The following NUP155 variants were observed in gnomAD, a reference collection of about 807,000 sequenced individuals.
The protein encoded by NUP155 is nucleoporin 155.
A neutral mutation model predicts 180.4 loss-of-function variants in NUP155; 71 were observed. The observed-to-expected ratio is 0.39, with a 90% CI of 0.33 to 0.48. The LOEUF (loss-of-function observed/expected upper bound fraction) is 0.48. NUP155 is among the 20% of genes least tolerant of loss of function. The probability of loss-of-function intolerance (pLI) is 0.91; values close to 1 mark genes in which losing one functional copy is unlikely to be tolerated. For missense variants in NUP155, 1,553 were observed against 1,648.9 expected, an observed-to-expected ratio of 0.94 and a Z score of 1.01; for synonymous variants, 582 against 559.5, an observed-to-expected ratio of 1.04 and a Z score of -0.57.
At chr5:37,365,243 G>A (rs1038228282) in intron 1 of NUP155, among the ~76,000 whole-genome samples, 4 of 149,046 alleles carry the variant, frequency 2.7e-5, no homozygotes, top group Admixed American at 6.9e-5. Context: ...TGAGCGACAG[G>A]GCAAGACTCT....
chr5:37,298,814 G>C, intron 32 of NUP155, 54 bp downstream of exon 32: 2 of 925,880 alleles, frequency 2.2e-6, no homozygotes, highest in Admixed American at 1.7e-5. Context: ...CCATATCAAC[G>C]GAGAAAACCA....
intron 10 of NUP155, among the ~76,000 whole-genome samples, chr5:37,341,947 T>C (rs1745751124): frequency 6.6e-6 from 1 of 152,220 alleles, no homozygotes; most frequent in Non-Finnish European, 1.5e-5. Context: ...TAGAAAGAAC[T>C]TGCAAAGACA....
intron 13 of NUP155, 113 bp from the exon 14 acceptor site, chr5:37,331,908 C>T: frequency 2.7e-6 from 2 of 734,194 alleles, no homozygotes; most frequent in Non-Finnish European, 4.8e-6. Context: ...AACCATTCAA[C>T]AATACAAAGT....
chr5:37,330,649 G>T (rs926760292), intron 14 of NUP155, among the ~76,000 whole-genome samples: 3 of 152,050 alleles, frequency 2.0e-5, no homozygotes, highest in African/African-American at 7.2e-5. Flanking sequence ...AATTTTAACC[G>T]TATCAATTCC....
At chr5:37,363,404 A>C (rs1395165917) in intron 3 of NUP155, among the ~76,000 whole-genome samples, 3 of 152,216 alleles carry the variant, frequency 2.0e-5, no homozygotes, top group Non-Finnish European at 2.9e-5. Context: ...CCAGACCAAC[A>C]TGCTGTATTT....
At chr5:37,354,604 A>C (rs1462244468) in intron 4 of NUP155, among the ~76,000 whole-genome samples, 1 of 151,294 alleles carries the variant, frequency 6.6e-6, no homozygotes, top group Non-Finnish European at 1.5e-5. Flanking sequence ...GACTACAGGC[A>C]TGCACCACCA....
At chr5:37,323,472 T>C (rs1744379044) in intron 20 of NUP155, among the ~76,000 whole-genome samples, 1 of 152,056 alleles carries the variant, frequency 6.6e-6, no homozygotes, top group Non-Finnish European at 1.5e-5. Context: ...AGGTTATCTG[T>C]TGCATACTTC....
At chr5:37,309,543 A>G in intron 23 of NUP155, 1 of 349,482 alleles carries the variant, frequency 2.9e-6, no homozygotes, top group Non-Finnish European at 5.3e-6. Flanking sequence ...CAGGCAGTCC[A>G]TGTGACACTG....
At chr5:37,317,921 T>C in intron 21 of NUP155, 67 bp downstream of exon 21, 1 of 864,100 alleles carries the variant, frequency 1.2e-6, no homozygotes, top group Non-Finnish European at 2.0e-6. Flanking sequence ...AGTCCATTGT[T>C]TTCTATTCAA....
intron 3 of NUP155, among the ~76,000 whole-genome samples, chr5:37,358,568 G>A (rs184336527): frequency 1.3e-4 from 20 of 152,286 alleles, no homozygotes; most frequent in Middle Eastern, 6.8e-3. Flanking sequence ...CACCCAGGCT[G>A]AAGTGCAGTG....
intron 25 of NUP155, among the ~76,000 whole-genome samples, chr5:37,305,932 A>G (rs1743127658): frequency 6.6e-6 from 1 of 152,010 alleles, no homozygotes; most frequent in Non-Finnish European, 1.5e-5. Context: ...AAAGAAAGCC[A>G]TTGATTTACC....
intron 32 of NUP155, among the ~76,000 whole-genome samples, chr5:37,298,537 A>G (rs979438522): frequency 1.2e-4 from 19 of 152,212 alleles, no homozygotes; most frequent in Admixed American, 1.3e-4. Context: ...TCAATCACAG[A>G]TTACCTATGC....
intron 16 of NUP155, 84 bp from the exon 17 acceptor site, chr5:37,328,504 T>C (rs1185674118): frequency 4.7e-6 from 5 of 1,064,012 alleles, no homozygotes; most frequent in South Asian, 2.7e-5. Flanking sequence ...AAAGAAGGTA[T>C]TTCCTTTTTC....
chr5:37,331,765 C>T lies in NUP155; in HGVS notation c.1549G>A (p.Val517Ile). Reference sequence around the variant, plus strand: ...ACAAGTAGATGCCTCAGTTGATCTACAGGTCTAAGTTTATGAAACATAAGG... The same window carrying T: ...ACAAGTAGATGCCTCAGTTGATCTATAGGTCTAAGTTTATGAAACATAAGG... ...GSLMFHKLRPVDQLRHLLVSN... is the reference protein window; with the variant it reads ...GSLMFHKLRPIDQLRHLLVSN... The change falls in exon 14 of 35, where the codon GTA (valine) becomes ATA (isoleucine). Residue 517 changes from valine (V) to isoleucine (I), a missense_variant. By Grantham distance (29) the Val-to-Ile change is conservative. Coordinates refer to ENST00000231498, the MANE Select transcript of NUP155 (RefSeq NM_153485.3). The T allele has an allele frequency of 6.2e-7, 1 of 1,611,074 alleles. No homozygotes were observed. Among genetic ancestry groups the T allele is most frequent in the Non-Finnish European group, 8.5e-7 (1 of 1,178,546 alleles).
intron 18 of NUP155, chr5:37,327,128 A>T (rs1744649835): frequency 5.7e-6 from 1 of 176,358 alleles, no homozygotes; most frequent in African/African-American, 2.4e-5. Context: ...CATATAACAC[A>T]AAATATCAGT....
At chr5:37,292,107 A>C in intron 34 of NUP155, 69 bp from the exon 35 acceptor site, 1 of 1,483,446 alleles carries the variant, frequency 6.7e-7, no homozygotes, top group Non-Finnish European at 9.4e-7. Context: ...CTTCTTCCCC[A>C]CCAACTTCTG....
In NUP155 at chr5:37,329,217, G is replaced by T. The variant is rs774266320; in HGVS notation, c.1786C>A (p.Pro596Thr). The T allele has an allele frequency of 1.2e-5, 19 of 1,613,650 alleles. No homozygotes were observed. The highest frequency in any genetic ancestry group is 1.6e-5 in the Non-Finnish European group (19 of 1,179,758). The change falls in exon 16 of 35, where the codon CCC becomes ACC. Residue 596 changes from proline to threonine, a missense_variant. Physicochemically the swap from Pro to Thr is conservative, Grantham distance 38. Transcript: ENST00000231498. ...GAATAGACAGGAGACCCCAAGATGG[G>T]ACCAACATTACTTGGAGGCGGAAGA... ...TTLPPPSNVGPILGSPVYSSS... is the reference protein window; with the variant it reads ...TTLPPPSNVGTILGSPVYSSS...
At chr5:37,370,432 C>T (rs1170850634) in intron 1 of NUP155, among the ~76,000 whole-genome samples, 1 of 152,152 alleles carries the variant, frequency 6.6e-6, no homozygotes, top group Non-Finnish European at 1.5e-5. Flanking sequence ...GCTAAATTTC[C>T]AAATTAACTT....
intron 23 of NUP155, 60 bp from the exon 24 acceptor site, chr5:37,309,327 G>A: frequency 7.2e-7 from 1 of 1,382,194 alleles, no homozygotes; most frequent in Non-Finnish European, 1.0e-6. Context: ...AGATGATGCT[G>A]TCAACTAAGT....
Sources: allele counts gnomAD v4.1 joint callset (sites outside exome capture counted in the v4.1 genomes callset), GRCh38; gene constraint gnomAD v4.1.1; transcripts MANE v1.5; gene names NCBI Gene and HGNC (gene_info 2026-07-23, HGNC 2026-07-21).